Variants in STRN3 observed in about 807,000 individuals in gnomAD.
The protein encoded by STRN3 is striatin 3, also known as striatin-3.
In STRN3, 29 loss-of-function variants were observed where a neutral mutation model predicts 95.6. The observed-to-expected ratio is 0.30, with a 90% CI of 0.23 to 0.41. The LOEUF (loss-of-function observed/expected upper bound fraction) is 0.41, where lower values mean the gene tolerates loss of function less well. Ranked by LOEUF, STRN3 falls within the 10% of genes least tolerant of loss-of-function variation. The pLI is 1.00. For synonymous variants in STRN3, 331 were observed against 357.6 expected (o/e 0.93, Z 0.84); for missense variants, 890 against 972.1 (o/e 0.92, Z 1.12).
intron 1 of STRN3, among the ~76,000 whole-genome samples, chr14:31,015,276 CTA>C (rs1390614670): frequency 6.6e-6 from 1 of 152,136 alleles, no homozygotes; most frequent in Non-Finnish European, 1.5e-5. Flanking sequence ...TCCCCAATTA[CTA>C]TAGTTTTGTT....
At chr14:30,914,737 A>G (rs1241986735) in intron 9 of STRN3, among the ~76,000 whole-genome samples, 1 of 152,244 alleles carries the variant, frequency 6.6e-6, no homozygotes, top group Admixed American at 6.5e-5. Context: ...GAAGCAAGTA[A>G]TCTTGACCAC....
intron 1 of STRN3, among the ~76,000 whole-genome samples, chr14:30,998,245 G>A (rs182887733): frequency 1.3e-4 from 20 of 152,302 alleles, no homozygotes; most frequent in African/African-American, 4.8e-4. Flanking sequence ...ATAAACAGGT[G>A]TCTCCATGGG....
chr14:31,008,998 C>T (rs547438903), intron 1 of STRN3, among the ~76,000 whole-genome samples: 2 of 151,936 alleles, frequency 1.3e-5, no homozygotes, highest in East Asian at 1.9e-4. Context: ...GTGATTGTAC[C>T]ACTGCACTCC....
intron 1 of STRN3, among the ~76,000 whole-genome samples, chr14:31,010,700 A>G (rs1048859714): frequency 1.3e-5 from 2 of 152,150 alleles, no homozygotes; most frequent in Admixed American, 6.6e-5. Context: ...CAAAGGGATA[A>G]AGTAGCCCCC....
intron 1 of STRN3, among the ~76,000 whole-genome samples, chr14:30,971,448 G>T (rs777294035): frequency 4.6e-5 from 7 of 152,154 alleles, no homozygotes; most frequent in Non-Finnish European, 8.8e-5. Flanking sequence ...CAATATTTTG[G>T]TGAGTGACAA....
At chr14:30,909,140 T>A (rs1896544669) in intron 13 of STRN3, among the ~76,000 whole-genome samples, 1 of 152,208 alleles carries the variant, frequency 6.6e-6, no homozygotes, top group Admixed American at 6.5e-5. Context: ...CTGAAATTAG[T>A]GATGATGGCT....
intron 13 of STRN3, among the ~76,000 whole-genome samples, chr14:30,908,234 A>G (rs1399743205): frequency 6.6e-6 from 1 of 152,148 alleles, no homozygotes; most frequent in Non-Finnish European, 1.5e-5. Flanking sequence ...TCTTCAACAA[A>G]AAATCTTCAT....
chr14:30,975,620 A>G (rs1004918117), intron 1 of STRN3, among the ~76,000 whole-genome samples: 3 of 151,906 alleles, frequency 2.0e-5, no homozygotes, highest in Non-Finnish European at 1.5e-5. Context: ...AAGAAAGAGG[A>G]AGTAGACTTG....
intron 1 of STRN3, among the ~76,000 whole-genome samples, chr14:30,983,474 G>T (rs1196846564): frequency 6.6e-6 from 1 of 152,244 alleles, no homozygotes; most frequent in East Asian, 1.9e-4. Flanking sequence ...GAACCAGGGA[G>T]GTGGAGGTTG....
At chr14:30,914,604 G>A (rs369866876) in intron 9 of STRN3, among the ~76,000 whole-genome samples, 42 of 152,150 alleles carry the variant, frequency 2.8e-4, no homozygotes, top group Non-Finnish European at 4.7e-4. Context: ...CACCTGCCTC[G>A]GCCTCCCAAA....
At chr14:30,981,106 G>A (rs1280307704) in intron 1 of STRN3, among the ~76,000 whole-genome samples, 4 of 151,906 alleles carry the variant, frequency 2.6e-5, no homozygotes, top group African/African-American at 4.8e-5. Flanking sequence ...CCAGCCAGGC[G>A]TTCAAGACCA....
chr14:30,905,623 G>T, intron 14 of STRN3, 65 bp from the exon 15 acceptor site: 1 of 1,516,340 alleles, frequency 6.6e-7, no homozygotes, highest in Non-Finnish European at 8.8e-7. Context: ...TCTACTTTTT[G>T]AAATCTCTGT....
chr14:30,921,812 T>C (rs1896891701), intron 8 of STRN3, among the ~76,000 whole-genome samples: 1 of 152,200 alleles, frequency 6.6e-6, no homozygotes, highest in Non-Finnish European at 1.5e-5. Context: ...CTGAAATTTA[T>C]AGAAGTACAA....
At chr14:30,953,194 T>A (rs1879736522) in intron 3 of STRN3, among the ~76,000 whole-genome samples, 1 of 152,110 alleles carries the variant, frequency 6.6e-6, no homozygotes, top group African/African-American at 2.4e-5. Context: ...TTGAAGTACA[T>A]CAAGTGTATA....
intron 1 of STRN3, among the ~76,000 whole-genome samples, chr14:31,017,751 G>C (rs965641275): frequency 1.3e-5 from 2 of 152,018 alleles, no homozygotes; most frequent in Admixed American, 1.3e-4. Flanking sequence ...CTTATGAGGG[G>C]CAGTGAGTGT....
intron 7 of STRN3, among the ~76,000 whole-genome samples, chr14:30,930,525 C>A (rs61976769): frequency 0.046 from 7,061 of 152,128 alleles, 205 homozygotes; most frequent in East Asian, 0.082. Context: ...AACTTTTTCC[C>A]TGATGGTATG....
chr14:30,971,896 C>T (rs1566466811), intron 1 of STRN3, among the ~76,000 whole-genome samples: 1 of 152,150 alleles, frequency 6.6e-6, no homozygotes, highest in Non-Finnish European at 1.5e-5. Context: ...TGCAGAGGCT[C>T]ATAAAAATGG....
intron 1 of STRN3, among the ~76,000 whole-genome samples, chr14:31,006,118 CA>C (rs370320880): frequency 3.2e-3 from 243 of 75,244 alleles, no homozygotes; most frequent in African/African-American, 4.1e-3. Flanking sequence ...GACTCTGTCT[CA>C]AAAAAAAAAA....
chr14:31,003,780 C>T (rs1882581425), intron 1 of STRN3, among the ~76,000 whole-genome samples: 1 of 110,224 alleles, frequency 9.1e-6, no homozygotes, highest in Non-Finnish European at 1.8e-5. Flanking sequence ...GACCTTAATG[C>T]AAAACACATC....
Sources: allele counts gnomAD v4.1 joint callset (sites outside exome capture counted in the v4.1 genomes callset), GRCh38; gene constraint gnomAD v4.1.1; transcripts MANE v1.5; gene names NCBI Gene and HGNC (gene_info 2026-07-23, HGNC 2026-07-21).